Variants in PREX1 observed in about 807,000 individuals in gnomAD.
PREX1 encodes phosphatidylinositol-3,4,5-trisphosphate dependent Rac exchange factor 1.
PREX1 carries 41 observed loss-of-function variants against 198.3 expected under a neutral mutation model. The observed-to-expected ratio is 0.21, with a 90% CI of 0.16 to 0.27. The LOEUF (loss-of-function observed/expected upper bound fraction) is 0.27, where lower values mean the gene tolerates loss of function less well. Ranked by LOEUF, PREX1 falls within the 10% of genes least tolerant of loss-of-function variation. The pLI is 1.00. For missense variants in PREX1, 1,620 were observed against 2,200.7 expected, an observed-to-expected ratio of 0.74 and a Z score of 5.28; for synonymous variants, 843 against 887.2, an observed-to-expected ratio of 0.95 and a Z score of 0.89.
At chr20:48,868,625 T>A in the PREX1 span, among the ~76,000 whole-genome samples, 1 of 152,222 alleles carries the variant, frequency 6.6e-6, no homozygotes, top group South Asian at 2.1e-4. Context: ...ACTTTTCTTT[T>A]CAAAACTCAA....
At position 48,625,625 on chromosome 20, in the gene PREX1, G is replaced by GCT; in HGVS notation, c.*258_*259dup. 1 of 478,126 alleles carries GCT rather than the reference G, an allele frequency of 2.1e-6. No homozygotes were observed. The highest frequency in any genetic ancestry group is 3.7e-6 in the Non-Finnish European group (1 of 272,982). The allele number at this position is 478,126 out of a possible 1,614,324, so 29.6% of individuals were successfully genotyped here. A position where few individuals can be genotyped will look rare whatever the true frequency, so the allele number is the denominator to read the frequency against. On this transcript the variant is annotated 3_prime_UTR_variant, in exon 40 of 40. Transcript: ENST00000371941. ...GGCCAGGCACCAGCTGCTCCCATCA[G>GCT]CTCTATGGGTCTCCAGCACCCCTCC...
chr20:48,707,131 C>T (rs1478385693), intron 6 of PREX1, among the ~76,000 whole-genome samples: 1 of 152,234 alleles, frequency 6.6e-6, no homozygotes, highest in African/African-American at 2.4e-5. Context: ...CCTCTTCTAA[C>T]GTTACCACGG....
chr20:48,627,985 A>G (rs8121156), intron 37 of PREX1, 22 bp from the exon 38 acceptor site: 481,424 of 1,444,568 alleles, frequency 0.33, 76,459 homozygotes, highest in Middle Eastern at 0.41. Context: ...GAGGGAGGAC[A>G]GCGGGTTGGC....
At chr20:48,821,802 A>G (rs2090486604) in intron 1 of PREX1, 2 of 152,214 alleles carry the variant, frequency 1.3e-5, no homozygotes, top group African/African-American at 4.8e-5. Context: ...TGAAGTCTCA[A>G]AAGCCAGAGA....
At chr20:48,627,513 G>A in intron 39 of PREX1, 35 bp downstream of exon 39, 1 of 1,612,236 alleles carries the variant, frequency 6.2e-7, no homozygotes, top group Non-Finnish European at 8.5e-7. Context: ...CCAGCTGGGA[G>A]TGGACAGGAA....
chr20:48,824,475 C>A (rs1368592580), intron 1 of PREX1, among the ~76,000 whole-genome samples: 1 of 152,152 alleles, frequency 6.6e-6, no homozygotes, highest in Non-Finnish European at 1.5e-5. Context: ...CTCTGATCAC[C>A]CCTGCTCTCT....
intron 1 of PREX1, among the ~76,000 whole-genome samples, chr20:48,798,571 C>T (rs1272225091): frequency 1.3e-5 from 2 of 152,238 alleles, no homozygotes; most frequent in Non-Finnish European, 2.9e-5. Flanking sequence ...TGCACTTAAA[C>T]TCTGACAAGT....
intron 1 of PREX1, among the ~76,000 whole-genome samples, chr20:48,818,557 G>A (rs1005462286): frequency 2.0e-5 from 3 of 152,216 alleles, no homozygotes; most frequent in African/African-American, 4.8e-5. Flanking sequence ...CAACTGCAAC[G>A]GCCCTGGCCA....
chr20:48,772,736 G>A (rs6125465), intron 1 of PREX1, among the ~76,000 whole-genome samples: 40,213 of 151,892 alleles, frequency 0.26, 6,208 homozygotes, highest in Admixed American at 0.34. Context: ...GTCCACTGCC[G>A]TCCAGCCAGG....
chr20:48,688,506 G>A, intron 10 of PREX1, 151 bp downstream of exon 10: 2 of 985,520 alleles, frequency 2.0e-6, no homozygotes, highest in South Asian at 1.6e-5. Flanking sequence ...CTTGATCTCT[G>A]AGGGCTGCTC....
At position 48,676,173 on chromosome 20, in the gene PREX1, AC is replaced by A; in HGVS notation, c.1665+19del. On this transcript the variant is annotated intron_variant, in intron 14 of 39. Coordinates refer to ENST00000371941, the MANE Select transcript of PREX1 (RefSeq NM_020820.4). ...GGACAAAGCAGAACACTGGTCACAC[AC>A]CCCTGAGGAGGCCCTCACCTGAGCC... 6.2e-7 allele frequency: 1 copy of A among 1,608,602 alleles called. No homozygotes were observed. The highest frequency in any genetic ancestry group is 8.5e-7 in the Non-Finnish European group (1 of 1,175,060).
intron 5 of PREX1, among the ~76,000 whole-genome samples, chr20:48,711,878 C>T (rs2089933263): frequency 1.3e-5 from 2 of 152,180 alleles, no homozygotes; most frequent in South Asian, 4.1e-4. Context: ...CTTCTCCTTT[C>T]CCTCTTCCTT....
At chr20:48,868,940 A>T in the PREX1 span, among the ~76,000 whole-genome samples, 2 of 149,572 alleles carry the variant, frequency 1.3e-5, no homozygotes, top group East Asian at 4.1e-4. Context: ...GCAGTGGCAC[A>T]AACAGAGCTC....
chr20:48,697,661 G>C (rs1342055445), intron 7 of PREX1, among the ~76,000 whole-genome samples: 3 of 152,126 alleles, frequency 2.0e-5, no homozygotes, highest in Non-Finnish European at 4.4e-5. Flanking sequence ...TGGGATTACA[G>C]GCGTGAGCTA....
intron 4 of PREX1, among the ~76,000 whole-genome samples, chr20:48,729,434 C>G (rs1416519507): frequency 6.6e-6 from 1 of 152,050 alleles, no homozygotes; most frequent in Non-Finnish European, 1.5e-5. Context: ...GTTTATCTCT[C>G]TAGCCCCTAA....
chr20:48,650,073 G>A lies in PREX1; in HGVS notation c.2951C>T (p.Thr984Ile). The change falls in exon 24 of 40, where the codon ACC becomes ATC. Residue 984 changes from threonine to isoleucine, a missense_variant. Thr to Ile is a moderately conservative substitution (Grantham distance 89). Coordinates refer to ENST00000371941, the MANE Select transcript of PREX1 (RefSeq NM_020820.4). ...INLMEVSYPKTTPSVGRSFSI... is the reference protein window; with the variant it reads ...INLMEVSYPKITPSVGRSFSI... ...GAAGGACCTGCCCACTGAGGGGGTG[G>A]TCTTGGGGTAGGACACTTCCATGAG... is the stretch of plus-strand genomic sequence containing the variant. The A allele has an allele frequency of 6.2e-7, 1 of 1,614,240 alleles. No individual in the cohort carries two copies. Among genetic ancestry groups the A allele is most frequent in the Admixed American group, 1.7e-5 (1 of 60,032 alleles).
chr20:48,836,440 TC>T, the PREX1 span, among the ~76,000 whole-genome samples: 6 of 152,142 alleles, frequency 3.9e-5, no homozygotes, highest in South Asian at 8.3e-4. Flanking sequence ...GTTCCAATTG[TC>T]CACAGGTGTT....
chr20:48,769,239 C>CT (rs1263159321), intron 1 of PREX1, among the ~76,000 whole-genome samples: 1 of 147,612 alleles, frequency 6.8e-6, no homozygotes. Flanking sequence ...TGTGTCTGCT[C>CT]TCAGGTTCTG....
At chr20:48,738,003 A>G (rs115016658) in intron 3 of PREX1, among the ~76,000 whole-genome samples, 125 of 152,268 alleles carry the variant, frequency 8.2e-4, no homozygotes, top group African/African-American at 2.9e-3. Context: ...CACGTACAGC[A>G]AAGACAGTTT....
Sources: gnomAD v4.1 joint callset for allele counts (sites outside exome capture counted in the v4.1 genomes callset) on GRCh38, gnomAD v4.1.1 for gene constraint, MANE v1.5 for transcripts, NCBI Gene and HGNC (gene_info 2026-07-23, HGNC 2026-07-21) for gene names.